The following ITSN2 variants were observed in gnomAD, a reference collection of about 807,000 sequenced individuals.
ITSN2 encodes intersectin 2.
ITSN2 carries 156 observed loss-of-function variants against 243.7 expected under a neutral mutation model. That is an observed-to-expected ratio of 0.64 (90% confidence interval 0.56 to 0.73). ITSN2 has a LOEUF of 0.73. ITSN2 is among the 30% of genes least tolerant of loss of function. ITSN2 has a pLI of 0.00. For missense variants in ITSN2, 1,801 were observed against 1,996.1 expected (o/e 0.90, Z 1.86); for synonymous variants, 703 against 699.9 (o/e 1.00, Z -0.07).
In ITSN2 at chr2:24,286,279, A is replaced by G; in HGVS notation, c.1796T>C (p.Leu599Ser). 6.2e-7 allele frequency: 1 copy of G among 1,605,106 alleles called. No homozygotes were observed. The highest frequency in any genetic ancestry group is 8.5e-7 in the Non-Finnish European group (1 of 1,172,308). ...TGCAGTTTCTTTTTCAAGAGCATCT[A>G]ACTGTTCTTTAAGTCTTTGGCATAA... ...EELCQRLKEQ[L>S]DALEKETASK... The change falls in exon 16 of 40, where the codon TTA (leucine) becomes TCA (serine). Residue 599 changes from leucine to serine, a missense_variant. By Grantham distance (145) the Leu-to-Ser change is moderately radical. Transcript: ENST00000355123.
intron 2 of ITSN2, among the ~76,000 whole-genome samples, chr2:24,326,027 T>A (rs1341147042): frequency 6.6e-6 from 1 of 152,138 alleles, no homozygotes; most frequent in Non-Finnish European, 1.5e-5. Context: ...TAACAATCTA[T>A]GTCAGGATTA....
At position 24,300,113 on chromosome 2, in the gene ITSN2, C is replaced by T. The variant is rs1681531385; in HGVS notation, c.1140G>A (p.Lys380=). Residue 380 remains lysine, a synonymous_variant, in exon 12 of 40, where the codon AAG becomes AAA. Transcript: ENST00000355123. ...GCTGCTCCATCAAGGCTTGGCGTCGCTTTTCCAGCTCCATGTTCCCTCGCT... is the reference window on the plus strand; with the variant it reads ...GCTGCTCCATCAAGGCTTGGCGTCGTTTTTCCAGCTCCATGTTCCCTCGCT... ...NYERGNMELE[K]RRQALMEQQQ... 3.1e-6 allele frequency: 5 copies of T among 1,614,076 alleles called. No homozygotes were observed. Among genetic ancestry groups the T allele is most frequent in the Non-Finnish European group, 3.4e-6 (4 of 1,180,042 alleles).
chr2:24,298,779 T>G lies in ITSN2; in HGVS notation c.1380A>C (p.Leu460Phe), dbSNP rs771090681. Residue 460 changes from leucine (L) to phenylalanine (F), a missense_variant, in exon 13 of 40, where the codon TTA becomes TTC. Coordinates refer to ENST00000355123, the MANE Select transcript of ITSN2 (RefSeq NM_006277.3). ...AKQELERQRR[L>F]EWERIRRQEL... ...CCTGTCGCCGAATTCTCTCCCATTCTAAGCGACGTTGTCGTTCAAGTTCCT... is the reference window on the plus strand; with the variant it reads ...CCTGTCGCCGAATTCTCTCCCATTCGAAGCGACGTTGTCGTTCAAGTTCCT... The G allele has an allele frequency of 6.2e-7, 1 of 1,609,246 alleles. No individual in the cohort carries two copies. Among genetic ancestry groups the G allele is most frequent in the South Asian group, 1.1e-5 (1 of 89,538 alleles).
At chr2:24,296,729 G>C (rs1209049910) in intron 13 of ITSN2, among the ~76,000 whole-genome samples, 1 of 152,192 alleles carries the variant, frequency 6.6e-6, no homozygotes, top group Admixed American at 6.5e-5. Context: ...CTAGCCTATC[G>C]TATTTTGTTA....
chr2:24,248,014 T>C (rs1391906046), intron 27 of ITSN2, among the ~76,000 whole-genome samples: 1 of 152,200 alleles, frequency 6.6e-6, no homozygotes, highest in African/African-American at 2.4e-5. Flanking sequence ...ATATCACTCA[T>C]ATAAAAATAT....
intron 7 of ITSN2, 67 bp from the exon 8 acceptor site, chr2:24,308,823 AC>A: frequency 1.0e-6 from 1 of 953,516 alleles, no homozygotes; most frequent in South Asian, 2.5e-5. Context: ...ATTTTATAAG[AC>A]CAAGGCATTA....
chr2:24,275,854 G>C lies in ITSN2; in HGVS notation c.1945-5C>G. On this transcript the variant is annotated splice_polypyrimidine_tract_variant and splice_region_variant and intron_variant, in intron 17 of 39. Transcript: ENST00000355123. ...GTTGTAGGTTTCTCTCAGTTCCTAA[G>C]GAGAAAAAGAAAATAAGTCAATACG... 1 of 1,582,124 alleles carries C rather than the reference G, an allele frequency of 6.3e-7. No homozygotes were observed. The highest frequency in any genetic ancestry group is 2.3e-5 in the East Asian group (1 of 43,924).
chr2:24,305,501 G>A (rs1027444167), intron 8 of ITSN2, among the ~76,000 whole-genome samples: 5 of 150,626 alleles, frequency 3.3e-5, no homozygotes, highest in African/African-American at 7.3e-5. Context: ...GCTGGAACCC[G>A]GGGAGGCAGA....
chr2:24,280,237 G>A (rs1275772696), intron 17 of ITSN2, among the ~76,000 whole-genome samples: 1 of 152,182 alleles, frequency 6.6e-6, no homozygotes, highest in Non-Finnish European at 1.5e-5. Flanking sequence ...GCCTAAAGGA[G>A]TGGTGGTTAA....
chr2:24,277,123 T>C (rs984821949), intron 17 of ITSN2, among the ~76,000 whole-genome samples: 2 of 152,220 alleles, frequency 1.3e-5, no homozygotes, highest in African/African-American at 4.8e-5. Context: ...TATTTTGAAC[T>C]AGATTTCTTT....
In ITSN2 at chr2:24,258,078, T is replaced by C; in HGVS notation, c.2698A>G (p.Asn900Asp). The change falls in exon 23 of 40, where the codon AAC becomes GAC. Residue 900 changes from asparagine to aspartate, a missense_variant. Asn to Asp is a conservative substitution (Grantham distance 23, BLOSUM62 1). Around this residue, in one of 5 missense-constraint regions of ITSN2, gnomAD observed 928 missense variants for 1,065.4 expected, o/e 0.87. Transcript: ENST00000355123. ...GAACAAAGGGCCTGTGCTTTTAAGT[T>C]TTCTACCACTTGTCCCTATGAATAC... ...PIHGQGQVVE[N>D]LKAQALCSWT... The C allele has an allele frequency of 6.2e-7, 1 of 1,613,846 alleles. No individual in the cohort carries two copies. The highest frequency in any genetic ancestry group is 8.5e-7 in the Non-Finnish European group (1 of 1,179,782).
At chr2:24,299,026 CTTTTTTT>C (rs1181200021) in intron 12 of ITSN2, among the ~76,000 whole-genome samples, 5 of 124,296 alleles carry the variant, frequency 4.0e-5, no homozygotes, top group East Asian at 2.3e-4. Flanking sequence ...TTCACGAGAT[CTTTTTTT>C]TTTTTTTTTT....
rs112470569 is a variant in ITSN2, at chr2:24,300,758, C to T, written c.1081+396G>A. ...TTCTCTTCTTCAAGGACAATCAAAGCTGTGTGGTTATACATTTGTTTTGAT... is the reference window on the plus strand; with the variant it reads ...TTCTCTTCTTCAAGGACAATCAAAGTTGTGTGGTTATACATTTGTTTTGAT... On this transcript the variant is annotated intron_variant, in intron 11 of 39. Coordinates refer to ENST00000355123, the MANE Select transcript of ITSN2 (RefSeq NM_006277.3). Among the ~76,000 whole-genome samples the T allele has an allele frequency of 9.3e-4, 142 of 152,062 alleles. 1 individual carries two copies. The highest frequency in any genetic ancestry group is 3.4e-3 in the Middle Eastern group (1 of 292).
chr2:24,204,825 A>G lies in ITSN2; in HGVS notation c.4762+389T>C. The G allele has an allele frequency of 2.3e-6, 1 of 443,372 alleles. No individual in the cohort carries two copies. Among genetic ancestry groups the G allele is most frequent in the Non-Finnish European group, 4.5e-6 (1 of 220,372 alleles). 27.5% of individuals were successfully genotyped at this position (443,372 alleles called of 1,614,324 possible). A position where few individuals can be genotyped will look rare whatever the true frequency, so the allele number is the denominator to read the frequency against. On this transcript the variant is annotated intron_variant, in intron 38 of 39. Coordinates refer to ENST00000355123, the MANE Select transcript of ITSN2 (RefSeq NM_006277.3). This position sits in a 1 kb window ranked among gnomAD's most constrained non-coding sequence, Gnocchi z 5.1. ...ACACACTGTTAGAAAGCATTCCTTT[A>G]TTCAGTGTTCAGAAGAGTCATCAGT...
At chr2:24,215,892 C>A (rs1005549199) in intron 32 of ITSN2, among the ~76,000 whole-genome samples, 157 bp downstream of exon 32, 1 of 152,032 alleles carries the variant, frequency 6.6e-6, no homozygotes, top group Non-Finnish European at 1.5e-5. Context: ...ATAAAGGCAA[C>A]ACAAAACAAT....
chr2:24,262,869 A>C (rs1023277323), intron 20 of ITSN2, among the ~76,000 whole-genome samples: 3 of 152,104 alleles, frequency 2.0e-5, no homozygotes, highest in Admixed American at 6.5e-5. Context: ...ACCACCAAAA[A>C]TTTAGTCATT....
chr2:24,284,064 T>C (rs1679164355), intron 17 of ITSN2, among the ~76,000 whole-genome samples: 1 of 152,236 alleles, frequency 6.6e-6, no homozygotes, highest in Non-Finnish European at 1.5e-5. Context: ...AACTGCCCTA[T>C]TGCTATCCAT....
intron 1 of ITSN2, among the ~76,000 whole-genome samples, chr2:24,332,402 G>T (rs1263548749): frequency 6.6e-6 from 1 of 151,994 alleles, no homozygotes; most frequent in Non-Finnish European, 1.5e-5. Context: ...GTAATCACAG[G>T]CATAATTCTG....
At chr2:24,324,116 C>G (rs1684888478) in intron 2 of ITSN2, among the ~76,000 whole-genome samples, 1 of 152,132 alleles carries the variant, frequency 6.6e-6, no homozygotes, top group Non-Finnish European at 1.5e-5. Flanking sequence ...CCTGTAGTCC[C>G]AGCTACTCGG....
Sources: allele counts gnomAD v4.1 joint callset (sites outside exome capture counted in the v4.1 genomes callset), GRCh38; gene constraint gnomAD v4.1.1; regional missense constraint gnomAD v4.1.1; non-coding constraint Gnocchi (gnomAD v3.1); transcripts MANE v1.5; gene names NCBI Gene and HGNC (gene_info 2026-07-23, HGNC 2026-07-21).